The following PDXDC1 variants were observed in gnomAD, a reference collection of about 807,000 sequenced individuals.
PDXDC1 encodes pyridoxal-dependent decarboxylase domain-containing protein 1.
PDXDC1 carries 42 observed loss-of-function variants against 100.1 expected under a neutral mutation model. The ratio of observed to expected loss-of-function variants is 0.42; its 90% CI spans 0.33 to 0.54. The LOEUF (loss-of-function observed/expected upper bound fraction) is 0.54, where lower values mean the gene tolerates loss of function less well. Among genes scored for constraint, PDXDC1 ranks in the 20% least tolerant of loss-of-function variants. The probability of loss-of-function intolerance (pLI) is 0.10; values close to 1 mark genes in which losing one functional copy is unlikely to be tolerated. For missense variants in PDXDC1, 636 were observed against 979.2 expected (o/e 0.65, Z 4.68); for synonymous variants, 260 against 371.7 (o/e 0.70, Z 3.46).
At chr16:14,988,183 C>T in intron 1 of PDXDC1, 11 of 1,602,228 alleles carry the variant, frequency 6.9e-6, no homozygotes, top group Non-Finnish European at 9.4e-6. Flanking sequence ...CAAAGGATCC[C>T]TTGCTCCTGG....
intron 16 of PDXDC1, among the ~76,000 whole-genome samples, chr16:15,053,469 T>C (rs2044372849): frequency 7.2e-6 from 1 of 138,208 alleles, no homozygotes; most frequent in Admixed American, 8.2e-5. Context: ...TATAGTAAGC[T>C]ATCATTTTTT....
chr16:15,070,984 A>G (rs1372596693), intron 16 of PDXDC1: 4 of 637,622 alleles, frequency 6.3e-6, no homozygotes, highest in African/African-American at 3.7e-5. Context: ...AGAAATATAA[A>G]CATCTTGCAC....
chr16:15,083,525 T>C, intron 16 of PDXDC1: 1 of 1,608,884 alleles, frequency 6.2e-7, no homozygotes. Context: ...GTGTTCTCTC[T>C]GATTTTCGAA....
At chr16:15,124,831 T>A (rs4012895) in intron 16 of PDXDC1, among the ~76,000 whole-genome samples, 2 of 148,782 alleles carry the variant, frequency 1.3e-5, no homozygotes, top group Non-Finnish European at 3.0e-5. Context: ...ATTCAATTCT[T>A]TTTATATGCT....
chr16:15,032,669 A>AAAAAAAAAAAAAAAG, intron 17 of PDXDC1, 192 bp from the exon 18 acceptor site: 2 of 448,488 alleles, frequency 4.5e-6, no homozygotes, highest in Non-Finnish European at 7.8e-6. Flanking sequence ...AAAAAAAAAA[A>AAAAAAAAAAAAAAAG]GGCTTTCCTG....
At chr16:15,129,627 G>A (rs1330666350) in intron 16 of PDXDC1, among the ~76,000 whole-genome samples, 1 of 152,238 alleles carries the variant, frequency 6.6e-6, no homozygotes, top group African/African-American at 2.4e-5. Flanking sequence ...TGTCACTTGT[G>A]GGGCCACGCT....
chr16:15,042,938 A>T (rs2043888248), downstream of PDXDC1, among the ~76,000 whole-genome samples: 1 of 126,092 alleles, frequency 7.9e-6, no homozygotes. Flanking sequence ...TTAGCTCTTG[A>T]TGCCCATGCT....
intron 8 of PDXDC1, among the ~76,000 whole-genome samples, chr16:15,011,913 C>T (rs2041332036): frequency 6.6e-6 from 1 of 152,282 alleles, no homozygotes; most frequent in South Asian, 2.1e-4. Flanking sequence ...GTCCACCTGC[C>T]TTGGCCTCCC....
chr16:15,004,610 TTGTGGGG>T (rs1157749587), intron 5 of PDXDC1, among the ~76,000 whole-genome samples: 9 of 152,396 alleles, frequency 5.9e-5, no homozygotes, highest in Non-Finnish European at 1.3e-4. Context: ...AGTTATTTAT[TTGTGGGG>T]TATCTAATTG....
At chr16:15,152,009 T>TG in the PDXDC1 span, among the ~76,000 whole-genome samples, 46 of 115,790 alleles carry the variant, frequency 4.0e-4, 3 homozygotes, top group Non-Finnish European at 7.3e-4. Flanking sequence ...GGCTCTGGGG[T>TG]GGGGGGTCTG....
At chr16:15,095,196 C>T (rs1463793920) in intron 16 of PDXDC1, among the ~76,000 whole-genome samples, 1 of 151,968 alleles carries the variant, frequency 6.6e-6, no homozygotes, top group Non-Finnish European at 1.5e-5. Context: ...GAGCCACTGG[C>T]GTTCCAAGCA....
chr16:15,134,987 G>C lies in PDXDC1; in HGVS notation c.1400-3892G>C, dbSNP rs2048281251. On this transcript the variant is annotated intron_variant, in intron 16 of 16. Coordinates refer to the PDXDC1 transcript ENST00000535621. ...CATCCAGCAACAGGGACATGGGCTG[G>C]GGACAGTGGCTGCCTCTGGGGTGGG... 3 of 418,956 alleles carry C rather than the reference G, an allele frequency of 7.2e-6. No homozygotes were observed. The East Asian group carries it at 1.5e-4, about 21-fold the overall frequency. The allele number at this position is 418,956 out of a possible 1,614,324, so 26.0% of individuals were successfully genotyped here.
At chr16:15,057,176 C>T (rs904026114) in intron 16 of PDXDC1, among the ~76,000 whole-genome samples, 1 of 152,134 alleles carries the variant, frequency 6.6e-6, no homozygotes, top group Non-Finnish European at 1.5e-5. Context: ...GCTTACACAC[C>T]CCGTTCAACA....
chr16:15,073,225 G>T, intron 16 of PDXDC1: 1 of 896,638 alleles, frequency 1.1e-6, no homozygotes, highest in Non-Finnish European at 1.7e-6. Flanking sequence ...CAGCACTTTG[G>T]GAGGCCAAAG....
chr16:14,975,164 C>G lies in PDXDC1; in HGVS notation c.-36C>G, dbSNP rs756311781. 57 of 1,461,512 alleles carry G rather than the reference C, an allele frequency of 3.9e-5. No individual in the cohort carries two copies. Among genetic ancestry groups the G allele is most frequent in the Non-Finnish European group, 5.0e-5 (56 of 1,117,298 alleles). 90.5% of individuals were successfully genotyped at this position (1,461,512 alleles called of 1,614,324 possible). On this transcript the variant is annotated 5_prime_UTR_variant, in exon 1 of 23. Coordinates refer to ENST00000396410, the MANE Select transcript of PDXDC1 (RefSeq NM_015027.4). ...CGGGGCGCGGGAGGAGGAAGTAGAG[C>G]CCGGGACCGCCAGGCCACCACCGGC...
At chr16:14,994,809 A>G (rs1971608346) in intron 1 of PDXDC1, among the ~76,000 whole-genome samples, 1 of 151,982 alleles carries the variant, frequency 6.6e-6, no homozygotes, top group Admixed American at 6.6e-5. Flanking sequence ...ATCCTCTTTT[A>G]TTTCATTGAG....
chr16:14,987,955 C>T (rs1969781080), intron 1 of PDXDC1, among the ~76,000 whole-genome samples: 2 of 151,592 alleles, frequency 1.3e-5, no homozygotes, highest in Non-Finnish European at 2.9e-5. Flanking sequence ...TTCCTATGTA[C>T]TAACTAATAG....
chr16:15,085,779 G>C, intron 16 of PDXDC1: 2 of 1,569,878 alleles, frequency 1.3e-6, no homozygotes, highest in Non-Finnish European at 1.7e-6. Flanking sequence ...TACTGACCTA[G>C]ACAATGAACA....
intron 1 of PDXDC1, chr16:14,976,774 C>CA (rs1167931953): frequency 1.4e-4 from 22 of 152,572 alleles, no homozygotes; most frequent in East Asian, 5.8e-4. Flanking sequence ...GACAGCCCCC[C>CA]ACGCTGGAGA....
Sources: gnomAD v4.1 joint callset for allele counts (sites outside exome capture counted in the v4.1 genomes callset) on GRCh38, gnomAD v4.1.1 for gene constraint, MANE v1.5 for transcripts, NCBI Gene and HGNC (gene_info 2026-07-23, HGNC 2026-07-21) for gene names.